The following ANKS1B variants were observed in gnomAD, a reference collection of about 807,000 sequenced individuals.
The protein encoded by ANKS1B is ankyrin repeat and sterile alpha motif domain containing 1B.
A neutral mutation model predicts 148.3 loss-of-function variants in ANKS1B; 36 were observed. That is an observed-to-expected ratio of 0.24 (90% CI 0.19 to 0.32). ANKS1B has a LOEUF of 0.32. Ranked by LOEUF, ANKS1B falls within the 10% of genes least tolerant of loss-of-function variation. ANKS1B has a pLI of 1.00. For missense variants in ANKS1B, 1,157 were observed against 1,542.6 expected, an observed-to-expected ratio of 0.75 and a Z score of 4.19; for synonymous variants, 542 against 560.8, an observed-to-expected ratio of 0.97 and a Z score of 0.47.
At chr12:99,102,858 G>T (rs1158662245) in intron 15 of ANKS1B, among the ~76,000 whole-genome samples, 1 of 152,166 alleles carries the variant, frequency 6.6e-6, no homozygotes, top group Non-Finnish European at 1.5e-5. Context: ...GAGGTCAGGA[G>T]GTTGAAGCTG....
intron 8 of ANKS1B, among the ~76,000 whole-genome samples, chr12:99,743,102 T>C (rs1462040305): frequency 6.6e-6 from 1 of 152,192 alleles, no homozygotes; most frequent in Non-Finnish European, 1.5e-5. Context: ...TCTGCCTTAA[T>C]TATTCACATA....
chr12:98,751,270 C>A lies in ANKS1B; in HGVS notation c.3747+85G>T. 2 of 1,385,364 alleles carry A rather than the reference C, an allele frequency of 1.4e-6. No individual in the cohort carries two copies. Among genetic ancestry groups the A allele is most frequent in the Non-Finnish European group, 2.0e-6 (2 of 1,017,558 alleles). 85.8% of individuals were successfully genotyped at this position (1,385,364 alleles called of 1,614,324 possible). A position where few individuals can be genotyped will look rare whatever the true frequency, so the allele number is the denominator to read the frequency against. On this transcript the variant is annotated intron_variant, in intron 26 of 26. Transcript: ENST00000683438. This position sits in a 1 kb window ranked among gnomAD's most constrained non-coding sequence, Gnocchi z 4.3. ...AAGAAGAGGCCCTGGGTTCTAATGG[C>A]ACCCACACCACACAAGGGCCTGGTT...
At chr12:99,830,897 T>C (rs1603205659) in intron 1 of ANKS1B, among the ~76,000 whole-genome samples, 1 of 152,168 alleles carries the variant, frequency 6.6e-6, no homozygotes, top group Non-Finnish European at 1.5e-5. Flanking sequence ...TCTCTCTGCC[T>C]AGAAAGTTTT....
intron 14 of ANKS1B, among the ~76,000 whole-genome samples, chr12:99,159,774 G>A (rs925567211): frequency 2.2e-4 from 34 of 152,162 alleles, no homozygotes; most frequent in African/African-American, 8.2e-4. Context: ...TCAAATGGTA[G>A]TTTGTTTTAA....
At chr12:98,945,757 T>C (rs1292694496) in intron 17 of ANKS1B, among the ~76,000 whole-genome samples, 5 of 152,104 alleles carry the variant, frequency 3.3e-5, no homozygotes, top group African/African-American at 4.8e-5. Flanking sequence ...AAGCTGGGCG[T>C]TTGTGCAATC....
intron 9 of ANKS1B, among the ~76,000 whole-genome samples, chr12:99,597,635 T>C (rs1004062330): frequency 1.3e-5 from 2 of 152,054 alleles, no homozygotes; most frequent in African/African-American, 2.4e-5. Flanking sequence ...TTAATGACAA[T>C]AGACTTTTCT....
At chr12:99,621,029 C>G (rs971033124) in intron 9 of ANKS1B, among the ~76,000 whole-genome samples, 6 of 152,006 alleles carry the variant, frequency 3.9e-5, no homozygotes, top group African/African-American at 1.4e-4. Context: ...AAAGGGAACC[C>G]CATCAAGCTA....
At chr12:99,553,143 T>C (rs1426405300) in intron 9 of ANKS1B, among the ~76,000 whole-genome samples, 1 of 151,870 alleles carries the variant, frequency 6.6e-6, no homozygotes, top group Non-Finnish European at 1.5e-5. Context: ...GGAGCTTCAA[T>C]GTAAAATAAA....
chr12:99,301,962 T>C (rs2081687553), intron 12 of ANKS1B, among the ~76,000 whole-genome samples: 1 of 152,026 alleles, frequency 6.6e-6, no homozygotes, highest in Non-Finnish European at 1.5e-5. Context: ...GGGAATGGTG[T>C]ATCAGGAAGG....
intron 16 of ANKS1B, among the ~76,000 whole-genome samples, chr12:99,081,258 G>A (rs557098887): frequency 6.7e-6 from 1 of 149,536 alleles, no homozygotes; most frequent in African/African-American, 2.5e-5. Context: ...AGATTGTACT[G>A]AGCAAAGCAC....
At chr12:98,793,308 G>T (rs773949196) in intron 22 of ANKS1B, among the ~76,000 whole-genome samples, 13 of 151,878 alleles carry the variant, frequency 8.6e-5, no homozygotes, top group Non-Finnish European at 1.3e-4. Context: ...TGTCTATTCT[G>T]GTCATTTGCC....
At chr12:99,544,988 T>C (rs2097159693) in intron 9 of ANKS1B, among the ~76,000 whole-genome samples, 1 of 152,178 alleles carries the variant, frequency 6.6e-6, no homozygotes, top group African/African-American at 2.4e-5. Context: ...TATCTGACTG[T>C]CTCTTTGGTT....
Position 99,053,007 on chromosome 12 carries a change from A to G in ANKS1B, c.2778+150T>C, listed in dbSNP as rs368208842. 4.6e-5 allele frequency: 31 copies of G among 674,364 alleles called. No homozygotes were observed. The African/African-American group carries it at 5.1e-4, about 11-fold the overall frequency. 41.8% of individuals were successfully genotyped at this position (674,364 alleles called of 1,614,324 possible). ...CCCCACATTTAAACTTCAAAAGACA[A>G]TGACTCTGGAGCTTGAGAGAGATCG... On this transcript the variant is annotated intron_variant, in intron 17 of 26. Coordinates refer to ENST00000683438, the MANE Select transcript of ANKS1B (RefSeq NM_001352186.2).
intron 20 of ANKS1B, among the ~76,000 whole-genome samples, chr12:98,802,706 G>A (rs946718105): frequency 7.5e-6 from 1 of 132,880 alleles, no homozygotes; most frequent in South Asian, 2.4e-4. Flanking sequence ...TTAGCATCAC[G>A]CTATTTCCTT....
At chr12:98,895,761 T>C (rs994279598) in intron 17 of ANKS1B, among the ~76,000 whole-genome samples, 50 of 152,224 alleles carry the variant, frequency 3.3e-4, no homozygotes, top group African/African-American at 1.1e-3. Flanking sequence ...TACCAACAGT[T>C]GTGGAAATTT....
rs527627159 is a variant in ANKS1B, at chr12:99,269,826, TG to T, written c.1757-22963del. 3.9e-3 allele frequency among the ~76,000 whole-genome samples: 598 copies of T among 152,332 alleles called. 3 individuals carry two copies. Among genetic ancestry groups the T allele is most frequent in the Non-Finnish European group, 7.4e-3 (502 of 68,030 alleles). Reference sequence around the variant, plus strand: ...TGCCCGCCTCCACCTTCCAAAGTGCTGGGATTACAGGCGTGAGCCACTGCAC... The same window carrying T: ...TGCCCGCCTCCACCTTCCAAAGTGCTGGATTACAGGCGTGAGCCACTGCAC... On this transcript the variant is annotated intron_variant, in intron 12 of 26. Transcript: ENST00000683438.
intron 25 of ANKS1B, among the ~76,000 whole-genome samples, chr12:98,753,026 C>T (rs1354297853): frequency 2.6e-5 from 4 of 151,952 alleles, no homozygotes; most frequent in African/African-American, 9.7e-5. Context: ...AATTCCCCAG[C>T]TATTTCTTGA....
intron 17 of ANKS1B, chr12:98,895,331 G>C (rs1374330998): frequency 4.1e-6 from 4 of 984,518 alleles, no homozygotes; most frequent in Non-Finnish European, 4.8e-6. Flanking sequence ...GCGCACTCCG[G>C]GAGGCCGCCG....
chr12:99,133,491 G>C (rs2153764207), intron 15 of ANKS1B, among the ~76,000 whole-genome samples: 1 of 152,262 alleles, frequency 6.6e-6, no homozygotes, highest in Non-Finnish European at 1.5e-5. Context: ...CTGTGGTGTT[G>C]ACTCATTCTC....
Sources: allele counts gnomAD v4.1 joint callset (sites outside exome capture counted in the v4.1 genomes callset), GRCh38; gene constraint gnomAD v4.1.1; non-coding constraint Gnocchi (gnomAD v3.1); transcripts MANE v1.5; gene names NCBI Gene and HGNC (gene_info 2026-07-23, HGNC 2026-07-21).